AR: variants seen among roughly 807,000 people sequenced by gnomAD.
AR encodes androgen receptor.
A neutral mutation model predicts 53.9 loss-of-function variants in AR; 8 were observed. That is an observed-to-expected ratio of 0.15 (90% CI 0.09 to 0.27). The LOEUF (loss-of-function observed/expected upper bound fraction) is 0.27. Ranked by LOEUF, AR falls within the 10% of genes least tolerant of loss-of-function variation. The pLI is 1.00. For synonymous variants in AR, 359 were observed against 316.4 expected (o/e 1.13, Z -1.43); for missense variants, 639 against 742.5 (o/e 0.86, Z 1.62).
chrX:67,616,430 T>A lies in AR; in HGVS notation c.1617-26826T>A, dbSNP rs183248469. ...GTTCTCATTGTTCAACTCCCACTTA[T>A]GAGTGAGAACATGCGGTGTTTCGTT... On this transcript the variant is annotated intron_variant, in intron 1 of 7. Coordinates refer to ENST00000374690, the MANE Select transcript of AR (RefSeq NM_000044.6). Among the ~76,000 whole-genome samples, 574 of 110,481 alleles carry A rather than the reference T, an allele frequency of 5.2e-3. 3 individuals carry two copies. Among genetic ancestry groups the A allele is most frequent in the Non-Finnish European group, 7.3e-3 (385 of 52,779 alleles).
chrX:67,581,944 C>G (rs746410209), intron 1 of AR, among the ~76,000 whole-genome samples: 2 of 111,531 alleles, frequency 1.8e-5, no homozygotes, highest in Non-Finnish European at 3.8e-5. Flanking sequence ...CAGTACATGG[C>G]TTGCCTTGGG....
In AR at chrX:67,724,015, C is replaced by G. The variant is rs1462644109; in HGVS notation, c.*174C>G. 1 of 624,714 alleles carries G rather than the reference C, an allele frequency of 1.6e-6. No individual in the cohort carries two copies. Among genetic ancestry groups the G allele is most frequent in the South Asian group, 3.1e-5 (1 of 32,680 alleles). 51.5% of individuals were successfully genotyped at this position (624,714 alleles called of 1,213,427 possible). A position where few individuals can be genotyped will look rare whatever the true frequency, so the allele number is the denominator to read the frequency against. ...TTTGCTGGGCTTTTTTTTTCTCTTT[C>G]TCTCCTTTCTTTTTCTTCTTCCCTC... On this transcript the variant is annotated 3_prime_UTR_variant, in exon 8 of 8. Transcript: ENST00000374690.
At chrX:67,683,431 G>A (rs904193809) in intron 2 of AR, among the ~76,000 whole-genome samples, 1 of 111,253 alleles carries the variant, frequency 9.0e-6, no homozygotes, top group Non-Finnish European at 1.9e-5. Flanking sequence ...TATTGCAGAA[G>A]AAATCCAGAC....
At chrX:67,569,388 G>A (rs1728788278) in intron 1 of AR, among the ~76,000 whole-genome samples, 1 of 111,355 alleles carries the variant, frequency 9.0e-6, no homozygotes, top group African/African-American at 3.3e-5. Flanking sequence ...AACAACTGTG[G>A]GTTTCTGCAC....
chrX:67,689,697 T>G (rs2075985510), intron 3 of AR: 1 of 876,557 alleles, frequency 1.1e-6, no homozygotes. Context: ...CTGGCTGCAT[T>G]TGAAAACCAC....
At position 67,595,670 on chromosome X, in the gene AR, C is replaced by T. The variant is rs189990129; in HGVS notation, c.1617-47586C>T. On this transcript the variant is annotated intron_variant, in intron 1 of 7. Transcript: ENST00000374690. Reference sequence around the variant, plus strand: ...AATATACAAAAAAAAAAAAAATAGCCAGGCGTGATGGTGCGTGCCTATAGT... The same window carrying T: ...AATATACAAAAAAAAAAAAAATAGCTAGGCGTGATGGTGCGTGCCTATAGT... Among the ~76,000 whole-genome samples the T allele has an allele frequency of 4.3e-3, 452 of 104,380 alleles. 4 individuals carry two copies. Among genetic ancestry groups the T allele is most frequent in the African/African-American group, 0.015 (430 of 28,481 alleles). 90.6% of individuals were successfully genotyped at this position (104,380 alleles called of 115,157 possible).
At chrX:67,627,798 C>T (rs1482050343) in intron 1 of AR, among the ~76,000 whole-genome samples, 26 of 111,113 alleles carry the variant, frequency 2.3e-4, no homozygotes, top group Non-Finnish European at 3.4e-4. Flanking sequence ...TAATCCATCT[C>T]GAATTGATTT....
chrX:67,691,611 G>A (rs761087631), intron 3 of AR, among the ~76,000 whole-genome samples: 1 of 111,284 alleles, frequency 9.0e-6, no homozygotes, highest in African/African-American at 3.3e-5. Context: ...ATACACTTTC[G>A]AAAACATGGG....
chrX:67,610,224 A>G (rs1210276288), intron 1 of AR, among the ~76,000 whole-genome samples: 3 of 111,447 alleles, frequency 2.7e-5, no homozygotes, highest in East Asian at 2.8e-4. Flanking sequence ...GGAAAGGTCA[A>G]TGGAATTACA....
intron 3 of AR, among the ~76,000 whole-genome samples, chrX:67,710,410 C>T (rs754952277): frequency 5.6e-4 from 62 of 111,237 alleles, no homozygotes; most frequent in African/African-American, 2.0e-3. Context: ...AGCCTGGAAC[C>T]CCTGGGCTCA....
Position 67,695,631 on chromosome X carries a change from G to A in AR, c.1885+9505G>A, listed in dbSNP as rs990198834. ...CCATATTGACACCAGTTTCTTTCTA[G>A]TGGAGAAGTGGAGTCTGTGAAGCCA... is the stretch of plus-strand genomic sequence containing the variant. On this transcript the variant is annotated intron_variant, in intron 3 of 7. Coordinates refer to ENST00000374690, the MANE Select transcript of AR (RefSeq NM_000044.6). The A allele has an allele frequency of 1.1e-5, 8 of 750,778 alleles. No homozygotes were observed. The African/African-American group carries it at 1.9e-4, about 18-fold the overall frequency. The allele number at this position is 750,778 out of a possible 1,213,427, so 61.9% of individuals were successfully genotyped here.
intron 1 of AR, among the ~76,000 whole-genome samples, chrX:67,619,857 A>G (rs1161703431): frequency 9.0e-6 from 1 of 110,586 alleles, no homozygotes; most frequent in Non-Finnish European, 1.9e-5. Context: ...CATGATCAAA[A>G]TCAGAAAATC....
intron 2 of AR, among the ~76,000 whole-genome samples, chrX:67,653,542 C>T (rs149294187): frequency 2.7e-5 from 3 of 111,105 alleles, no homozygotes; most frequent in African/African-American, 3.3e-5. Context: ...AAAGACACGG[C>T]GATGTGAAAG....
At chrX:67,708,109 A>C (rs147496733) in intron 3 of AR, among the ~76,000 whole-genome samples, 285 of 111,291 alleles carry the variant, frequency 2.6e-3, no homozygotes, top group African/African-American at 8.9e-3. Flanking sequence ...CGAATCTGAT[A>C]ATTATGTGTC....
At chrX:67,611,330 T>C (rs1394272396) in intron 1 of AR, among the ~76,000 whole-genome samples, 1 of 111,761 alleles carries the variant, frequency 8.9e-6, no homozygotes, top group Non-Finnish European at 1.9e-5. Context: ...GATTATCTTT[T>C]CACATGTTTT....
At chrX:67,647,401 C>T (rs1926106442) in intron 2 of AR, among the ~76,000 whole-genome samples, 1 of 111,915 alleles carries the variant, frequency 8.9e-6, no homozygotes, top group African/African-American at 3.2e-5. Context: ...TCTTTCTGTC[C>T]TTTAAATCCA....
At chrX:67,600,847 TA>T (rs376559235) in intron 1 of AR, among the ~76,000 whole-genome samples, 163 of 110,534 alleles carry the variant, frequency 1.5e-3, no homozygotes, top group Non-Finnish European at 2.6e-3. Flanking sequence ...CTCACAAAAT[TA>T]AAAAAAACTG....
chrX:67,679,714 G>A (rs987661051), intron 2 of AR, among the ~76,000 whole-genome samples: 2 of 111,606 alleles, frequency 1.8e-5, no homozygotes, highest in Admixed American at 1.9e-4. Context: ...ATCTTCATAT[G>A]CTTATTGGTC....
rs1021372379 is a variant in AR, at chrX:67,694,763, G to A, written c.1885+8637G>A. On this transcript the variant is annotated intron_variant, in intron 3 of 7. Transcript: ENST00000374690. ...CCTCATTCAAAATGAGGGCTCTAGA[G>A]GGCTCTAGTGGATAGTCTGGAGAAA... 4.4e-6 allele frequency: 5 copies of A among 1,148,974 alleles called. No homozygotes were observed. The East Asian group carries it at 1.6e-4, about 38-fold the overall frequency. 94.7% of individuals were successfully genotyped at this position (1,148,974 alleles called of 1,213,427 possible).
Sources: allele counts gnomAD v4.1 joint callset (sites outside exome capture counted in the v4.1 genomes callset), GRCh38; gene constraint gnomAD v4.1.1; transcripts MANE v1.5; gene names NCBI Gene and HGNC (gene_info 2026-07-23, HGNC 2026-07-21).